Variants in C5orf58 observed in about 807,000 individuals in gnomAD.
C5orf58 encodes the protein chromosome 5 open reading frame 58.
In C5orf58, 2 loss-of-function variants were observed where a neutral mutation model predicts 2.9. The ratio of observed to expected loss-of-function variants is 0.69; its 90% CI spans 0.28 to 2.18. C5orf58 has a LOEUF of 2.18. Ranked by LOEUF, C5orf58 falls within the 30% of genes most tolerant of loss-of-function variation. The probability of loss-of-function intolerance (pLI) is 0.13; values close to 1 mark genes in which losing one functional copy is unlikely to be tolerated. For missense variants in C5orf58, 96 were observed against 91.7 expected, an observed-to-expected ratio of 1.05 and a Z score of -0.19; for synonymous variants, 37 against 33.4, an observed-to-expected ratio of 1.11 and a Z score of -0.37.
intron 3 of C5orf58, 61 bp from the exon 4 acceptor site, chr5:170,245,901 A>T (rs534729578): frequency 6.7e-7 from 1 of 1,486,936 alleles, no homozygotes; most frequent in African/African-American, 1.4e-5. Flanking sequence ...TACTTAAAGC[A>T]ATAATAGTTT....
intron 2 of C5orf58, 128 bp from the exon 3 acceptor site, chr5:170,234,849 T>A (rs1459763688): frequency 3.9e-6 from 2 of 511,376 alleles, no homozygotes; most frequent in Non-Finnish European, 3.5e-6. Flanking sequence ...ATTCTAACCA[T>A]TTATAAAGAT....
chr5:170,245,746 G>A (rs10058617), intron 3 of C5orf58, among the ~76,000 whole-genome samples: 17,413 of 152,226 alleles, frequency 0.11, 1,084 homozygotes, highest in African/African-American at 0.12. Context: ...CGTCGCTCAC[G>A]CTGGGAGCTG....
chr5:170,248,393 A>T (rs1761347543), downstream of C5orf58: 1 of 256,762 alleles, frequency 3.9e-6, no homozygotes, highest in African/African-American at 2.4e-5. Flanking sequence ...GTAGCTGTGT[A>T]AACTACTGTA....
downstream of C5orf58, among the ~76,000 whole-genome samples, chr5:170,249,959 C>T (rs946306440): frequency 4.6e-5 from 7 of 152,224 alleles, no homozygotes; most frequent in Non-Finnish European, 1.0e-4. Flanking sequence ...CAGCTCTATC[C>T]ACTGCCAACC....
intron 3 of C5orf58, among the ~76,000 whole-genome samples, chr5:170,245,656 A>G (rs948671038): frequency 1.3e-5 from 2 of 152,046 alleles, no homozygotes; most frequent in Non-Finnish European, 2.9e-5. Context: ...GCACCCACTG[A>G]CCTGCGCCCA....
chr5:170,251,635 C>A (rs1404756521), intron 2 of C5orf58: 1 of 455,994 alleles, frequency 2.2e-6, no homozygotes, highest in Non-Finnish European at 4.4e-6. Flanking sequence ...TCCTTTGTTC[C>A]TTTTATTGCA....
intron 3 of C5orf58, among the ~76,000 whole-genome samples, chr5:170,240,593 A>G (rs1487647825): frequency 6.6e-6 from 1 of 151,818 alleles, no homozygotes; most frequent in African/African-American, 2.4e-5. Flanking sequence ...GTGTCTGTTC[A>G]TGTCCTTCGC....
At chr5:170,242,843 T>A (rs1321871226) in intron 3 of C5orf58, among the ~76,000 whole-genome samples, 1 of 151,586 alleles carries the variant, frequency 6.6e-6, no homozygotes, top group East Asian at 1.9e-4. Flanking sequence ...TTGCTCTTGC[T>A]TTTCTAGTTC....
chr5:170,244,766 T>C (rs1761180776), intron 3 of C5orf58, among the ~76,000 whole-genome samples: 1 of 152,232 alleles, frequency 6.6e-6, no homozygotes, highest in Non-Finnish European at 1.5e-5. Context: ...GTCTGAAGCC[T>C]TCTTCTCTCA....
chr5:170,237,120 A>G (rs1487156809), intron 3 of C5orf58, among the ~76,000 whole-genome samples: 4 of 152,220 alleles, frequency 2.6e-5, no homozygotes, highest in African/African-American at 9.6e-5. Flanking sequence ...TGTAATAACT[A>G]TGTGATAGAT....
At chr5:170,249,366 A>G (rs971903250), downstream of C5orf58, among the ~76,000 whole-genome samples, 3 of 120,780 alleles carry the variant, frequency 2.5e-5, no homozygotes, top group African/African-American at 8.2e-5. Flanking sequence ...GCGTGTGTAT[A>G]TATATATATA....
At chr5:170,249,247 C>A (rs1761369783), downstream of C5orf58, among the ~76,000 whole-genome samples, 1 of 151,776 alleles carries the variant, frequency 6.6e-6, no homozygotes, top group South Asian at 2.1e-4. Context: ...ATTGCTTGAA[C>A]CTGGGAGGCA....
At chr5:170,241,614 C>T (rs1227004015) in intron 3 of C5orf58, among the ~76,000 whole-genome samples, 15 of 151,358 alleles carry the variant, frequency 9.9e-5, no homozygotes, top group South Asian at 2.1e-4. Context: ...TTGTGATTTT[C>T]GTACATTGAT....
exon 3 of C5orf58, chr5:170,252,186 C>A: frequency 3.1e-6 from 1 of 322,774 alleles, no homozygotes; most frequent in Non-Finnish European, 5.8e-6. Flanking sequence ...TTAATAAAAT[C>A]TCCTAAGATG....
intron 3 of C5orf58, among the ~76,000 whole-genome samples, chr5:170,244,800 C>CA (rs1457187610): frequency 6.9e-6 from 1 of 144,056 alleles, no homozygotes; most frequent in African/African-American, 2.9e-5. Flanking sequence ...ATTCTCCATC[C>CA]AGCTTTGTTC....
In C5orf58 at chr5:170,243,164, C is replaced by G. The variant is rs968020795; in HGVS notation, c.95-2798C>G. ...GAGATAGTTTGTTATAATCTCTGTT[C>G]TTTTACATTTGCTGAGGAGAGCTTT... is the stretch of plus-strand genomic sequence containing the variant. On this transcript the variant is annotated intron_variant, in intron 3 of 3. Transcript: ENST00000593851. Among the ~76,000 whole-genome samples the G allele has an allele frequency of 1.3e-3, 199 of 149,336 alleles. 1 individual carries two copies. The highest frequency in any genetic ancestry group is 4.8e-3 in the African/African-American group (193 of 40,502).
downstream of C5orf58, among the ~76,000 whole-genome samples, chr5:170,250,000 A>AT (rs140096024): frequency 8.4e-3 from 1,278 of 152,098 alleles, 15 homozygotes; most frequent in African/African-American, 0.029. Context: ...ACAAGCATGC[A>AT]TTTTTTTTCT....
downstream of C5orf58, among the ~76,000 whole-genome samples, chr5:170,249,049 C>A (rs1377436064): frequency 2.0e-5 from 3 of 152,148 alleles, no homozygotes; most frequent in Admixed American, 1.3e-4. Context: ...GGGCCGGGTG[C>A]AGTAATTCAC....
chr5:170,241,606 G>A lies in C5orf58; in HGVS notation c.95-4356G>A, dbSNP rs201095257. On this transcript the variant is annotated intron_variant, in intron 3 of 3. Transcript: ENST00000593851. ...CTGTTATTGGTGTATAAGAATGCTT[G>A]TGATTTTCGTACATTGATTTTGTAT... Among the ~76,000 whole-genome samples the A allele has an allele frequency of 1.4e-3, 205 of 151,368 alleles. 2 individuals carry two copies. The highest frequency in any genetic ancestry group is 2.1e-3 in the Non-Finnish European group (145 of 67,964).
Sources: gnomAD v4.1 joint callset for allele counts (sites outside exome capture counted in the v4.1 genomes callset) on GRCh38, gnomAD v4.1.1 for gene constraint, MANE v1.5 for transcripts, NCBI Gene and HGNC (gene_info 2026-07-23, HGNC 2026-07-21) for gene names.